The following RNF180 variants were observed in gnomAD, a reference collection of about 807,000 sequenced individuals.
The protein encoded by RNF180 is E3 ubiquitin-protein ligase RNF180.
Under a neutral mutation model 59.2 loss-of-function variants are expected in RNF180, and 38 were observed. The observed-to-expected ratio is 0.64, with a 90% CI of 0.50 to 0.84. RNF180 has a LOEUF of 0.84. RNF180 is among the 40% of genes least tolerant of loss of function. The pLI is 0.00. For missense variants in RNF180, 705 were observed against 700.9 expected (o/e 1.01, Z -0.07); for synonymous variants, 262 against 240.3 (o/e 1.09, Z -0.84).
chr5:64,192,329 A>G (rs1751201062), intron 1 of RNF180, among the ~76,000 whole-genome samples: 1 of 152,084 alleles, frequency 6.6e-6, no homozygotes, highest in Admixed American at 6.6e-5. Flanking sequence ...GATGTAGAGA[A>G]ATTTTGTACA....
rs1579988307 is a variant in RNF180 at position 64,201,000 on chromosome 5, C to T, written c.135+58C>T. On this transcript the variant is annotated intron_variant, in intron 2 of 7. Transcript: ENST00000389100. ...TGGTAGAGGAGTGCTGTGGGCCTAT[C>T]CACACACATGCACACTTATTCTTCT... 5.8e-6 allele frequency: 8 copies of T among 1,370,104 alleles called. No homozygotes were observed. In the East Asian group the frequency reaches 1.8e-4, roughly 31 times the overall value. The allele number at this position is 1,370,104 out of a possible 1,614,324, so 84.9% of individuals were successfully genotyped here.
At chr5:64,307,349 T>G (rs551167764) in intron 5 of RNF180, among the ~76,000 whole-genome samples, 1 of 151,666 alleles carries the variant, frequency 6.6e-6, no homozygotes, top group African/African-American at 2.4e-5. Flanking sequence ...AAAATTAGTG[T>G]TAATATTTAG....
chr5:64,273,365 G>T (rs1304884272), intron 5 of RNF180, among the ~76,000 whole-genome samples: 1 of 151,906 alleles, frequency 6.6e-6, no homozygotes, highest in African/African-American at 2.4e-5. Flanking sequence ...CTCTGCCTGT[G>T]AAATAGCCAT....
Position 64,192,449 on chromosome 5 carries a change from G to A in RNF180, c.1-8359G>A, listed in dbSNP as rs528597796. On this transcript the variant is annotated intron_variant, in intron 1 of 7. Transcript: ENST00000389100. ...AGCACTTTGGGAGGCTGAGGCTGGCGGATCGTGAGGTCAGGAGTTCGAAGT... is the reference window on the plus strand; with the variant it reads ...AGCACTTTGGGAGGCTGAGGCTGGCAGATCGTGAGGTCAGGAGTTCGAAGT... Among the ~76,000 whole-genome samples the A allele has an allele frequency of 6.2e-4, 95 of 152,146 alleles. 1 individual carries two copies. The highest frequency in any genetic ancestry group is 2.2e-3 in the African/African-American group (91 of 41,512).
chr5:64,276,576 T>C (rs760302502), intron 5 of RNF180, among the ~76,000 whole-genome samples: 28 of 152,006 alleles, frequency 1.8e-4, no homozygotes, highest in Non-Finnish European at 3.4e-4. Context: ...CGATTGTTGC[T>C]GGGGAGGCTG....
chr5:64,335,244 T>C (rs1392353114), intron 7 of RNF180, among the ~76,000 whole-genome samples: 1 of 152,128 alleles, frequency 6.6e-6, no homozygotes, highest in African/African-American at 2.4e-5. Context: ...AGTGACTTTT[T>C]TTCTGTTGGT....
At chr5:64,271,283 A>G (rs956065589) in intron 5 of RNF180, among the ~76,000 whole-genome samples, 1 of 152,080 alleles carries the variant, frequency 6.6e-6, no homozygotes, top group African/African-American at 2.4e-5. Flanking sequence ...ACCCTCTTTA[A>G]TGTGGAACAT....
At position 64,192,905 on chromosome 5, in the gene RNF180, A is replaced by G. The variant is rs56091511; in HGVS notation, c.1-7903A>G. On this transcript the variant is annotated intron_variant, in intron 1 of 7. Coordinates refer to ENST00000389100, the MANE Select transcript of RNF180 (RefSeq NM_001113561.2). ...AATGCATGCAGAAAGTGTGGCATGT[A>G]TATATATATATATATATATATATAT... Among the ~76,000 whole-genome samples the G allele has an allele frequency of 9.3e-4, 40 of 42,866 alleles. No homozygotes were observed. The Middle Eastern group carries it at 0.053, about 56-fold the overall frequency. The allele number at this position is 42,866 out of a possible 152,430, so 28.1% of individuals were successfully genotyped here.
chr5:64,299,400 A>G (rs1203021999), intron 5 of RNF180, among the ~76,000 whole-genome samples: 2 of 151,950 alleles, frequency 1.3e-5, no homozygotes, highest in Admixed American at 6.6e-5. Flanking sequence ...ACATATACAA[A>G]TAGACACCAG....
At chr5:64,219,659 G>T (rs138791035) in intron 5 of RNF180, among the ~76,000 whole-genome samples, 1 of 150,602 alleles carries the variant, frequency 6.6e-6, no homozygotes, top group African/African-American at 2.5e-5. Flanking sequence ...GACTACAAGC[G>T]CACGCCACCA....
chr5:64,340,601 A>G (rs547107990), intron 7 of RNF180, among the ~76,000 whole-genome samples: 3 of 152,370 alleles, frequency 2.0e-5, no homozygotes, highest in African/African-American at 7.2e-5. Context: ...AATTTAAAAT[A>G]TGCTGTAGAC....
At chr5:64,325,846 A>G (rs1443720846) in intron 6 of RNF180, among the ~76,000 whole-genome samples, 2 of 152,130 alleles carry the variant, frequency 1.3e-5, no homozygotes, top group East Asian at 1.9e-4. Flanking sequence ...AATTTTCTCA[A>G]CCTTCTTAAT....
At chr5:64,336,426 C>T (rs1463338403) in intron 7 of RNF180, among the ~76,000 whole-genome samples, 1 of 152,134 alleles carries the variant, frequency 6.6e-6, no homozygotes, top group Non-Finnish European at 1.5e-5. Flanking sequence ...CTCTCTGCCA[C>T]AATAAAAACA....
chr5:64,211,005 C>T (rs185207212), intron 2 of RNF180, among the ~76,000 whole-genome samples: 146 of 152,028 alleles, frequency 9.6e-4, no homozygotes, highest in Non-Finnish European at 1.4e-3. Flanking sequence ...ATTGGGGTGG[C>T]TGATTGGTTG....
At chr5:64,172,536 T>G (rs1749991423) in intron 1 of RNF180, among the ~76,000 whole-genome samples, 1 of 152,192 alleles carries the variant, frequency 6.6e-6, no homozygotes, top group Non-Finnish European at 1.5e-5. Context: ...GGGAAAATCG[T>G]GGATGAGCCT....
rs142507279 is a variant in RNF180 at position 64,178,939 on chromosome 5, G to A, written c.-1+12986G>A. ...AGCAGGTTTAAGATGAGGCCTGAGC[G>A]TCTATTCTTTTAAAAAAAACCTTTC... On this transcript the variant is annotated intron_variant, in intron 1 of 7. Coordinates refer to ENST00000389100, the MANE Select transcript of RNF180 (RefSeq NM_001113561.2). 6.1e-3 allele frequency among the ~76,000 whole-genome samples: 926 copies of A among 152,090 alleles called. 5 individuals are homozygous for A. Among genetic ancestry groups the A allele is most frequent in the Admixed American group, 0.013 (195 of 15,280 alleles).
At chr5:64,184,790 C>G (rs977572716) in intron 1 of RNF180, among the ~76,000 whole-genome samples, 6 of 152,162 alleles carry the variant, frequency 3.9e-5, no homozygotes, top group African/African-American at 1.4e-4. Context: ...GGCAGATTCT[C>G]AAGGTCACAT....
intron 5 of RNF180, among the ~76,000 whole-genome samples, chr5:64,312,210 C>T (rs538779040): frequency 1.8e-4 from 28 of 152,026 alleles, no homozygotes; most frequent in Non-Finnish European, 3.5e-4. Flanking sequence ...ATTGTTGAGC[C>T]ACATTGAGTT....
At chr5:64,189,168 T>A (rs1299674710) in intron 1 of RNF180, among the ~76,000 whole-genome samples, 1 of 152,052 alleles carries the variant, frequency 6.6e-6, no homozygotes, top group Non-Finnish European at 1.5e-5. Context: ...ATAAATTTCT[T>A]TGGTTTAAGC....
Sources: gnomAD v4.1 joint callset for allele counts (sites outside exome capture counted in the v4.1 genomes callset) on GRCh38, gnomAD v4.1.1 for gene constraint, MANE v1.5 for transcripts, NCBI Gene and HGNC (gene_info 2026-07-23, HGNC 2026-07-21) for gene names.